KIF18A: variants seen among roughly 807,000 people sequenced by gnomAD.
KIF18A encodes kinesin family member 18A, also known as kinesin-like protein KIF18A.
In KIF18A, 67 loss-of-function variants were observed where a neutral mutation model predicts 103.3. The observed-to-expected ratio is 0.65, with a 90% CI of 0.53 to 0.79. The LOEUF is 0.79. Ranked by LOEUF, KIF18A falls within the 30% of genes least tolerant of loss-of-function variation. The pLI, the probability that KIF18A is intolerant of heterozygous loss-of-function variation, is 0.00. For synonymous variants in KIF18A, 367 were observed against 355.5 expected (o/e 1.03, Z -0.36); for missense variants, 1,032 against 1,062.5 (o/e 0.97, Z 0.40).
At chr11:28,107,362 G>A (rs551856885) in intron 1 of KIF18A, among the ~76,000 whole-genome samples, 1 of 150,734 alleles carries the variant, frequency 6.6e-6, no homozygotes, top group Non-Finnish European at 1.5e-5. Flanking sequence ...GTAACTGAGT[G>A]ACTAATGAGC....
Position 28,036,456 on chromosome 11 carries a change from T to C in KIF18A, c.2157A>G (p.Thr719=), listed in dbSNP as rs372826404. The change falls in exon 14 of 17, where the codon ACA becomes ACG. Residue 719 remains threonine, a synonymous_variant. Coordinates refer to ENST00000263181, the MANE Select transcript of KIF18A (RefSeq NM_031217.4). Reference sequence around the variant, plus strand: ...ATGATGATGGTTTCATTAAGGTTACTGTAGACGGATTTTGAAAAGCTTTTC... The same window carrying C: ...ATGATGATGGTTTCATTAAGGTTACCGTAGACGGATTTTGAAAAGCTTTTC... ...DCRKAFQNPS[T]VTLMKPSSFT... is the part of the protein sequence containing the mutation. The C allele has an allele frequency of 8.1e-6, 13 of 1,611,092 alleles. No homozygotes were observed. Among genetic ancestry groups the C allele is most frequent in the African/African-American group, 8.0e-5 (6 of 74,716 alleles).
chr11:28,046,518 G>T (rs1163756541), intron 13 of KIF18A, among the ~76,000 whole-genome samples: 6 of 135,394 alleles, frequency 4.4e-5, no homozygotes, highest in Non-Finnish European at 7.9e-5. Flanking sequence ...GACACAGGAA[G>T]GGGAACATCA....
At chr11:28,046,093 G>C (rs1371661936) in intron 13 of KIF18A, among the ~76,000 whole-genome samples, 2 of 151,314 alleles carry the variant, frequency 1.3e-5, no homozygotes, top group Non-Finnish European at 2.9e-5. Context: ...TACACTGTTG[G>C]TGGGACTGTC....
intron 13 of KIF18A, among the ~76,000 whole-genome samples, chr11:28,041,532 T>C (rs538042139): frequency 9.9e-5 from 15 of 151,938 alleles, no homozygotes; most frequent in African/African-American, 2.2e-4. Context: ...GGGCAACTTA[T>C]GTTAGGATTT....
In KIF18A at chr11:28,036,522, G is replaced by C; in HGVS notation, c.2091C>G (p.Ser697Arg). Reference sequence around the variant, plus strand: ...TATATACAATAGGCTGAAGTTCTTTGCTAAGAGAATCATTGAGCTGCACAC... The same window carrying C: ...TATATACAATAGGCTGAAGTTCTTTCCTAAGAGAATCATTGAGCTGCACAC... ...SQSVQLNDSL[S>R]KELQPIVYTP... The change falls in exon 14 of 17, where the codon AGC becomes AGG. Residue 697 changes from serine (S) to arginine (R), a missense_variant. Transcript: ENST00000263181. 6.2e-7 allele frequency: 1 copy of C among 1,611,256 alleles called. No individual in the cohort carries two copies. The highest frequency in any genetic ancestry group is 8.5e-7 in the Non-Finnish European group (1 of 1,178,270).
chr11:28,049,753 T>C (rs1565075932), intron 13 of KIF18A, among the ~76,000 whole-genome samples: 1 of 152,004 alleles, frequency 6.6e-6, no homozygotes, highest in South Asian at 2.1e-4. Context: ...TAAAAACTTC[T>C]AGGCTACAAA....
rs757015125 is a variant in KIF18A at position 28,058,999 on chromosome 11, C to A, written c.1875G>T (p.Lys625Asn). 14 of 1,613,914 alleles carry A rather than the reference C, an allele frequency of 8.7e-6. No individual in the cohort carries two copies. The highest frequency in any genetic ancestry group is 1.1e-5 in the Non-Finnish European group (13 of 1,179,976). ...CAGAAATCCCTGGTAGATCGTTTTG[C>A]TTTGGTTGTTCGGCAGTTTGGTCAG... ...VWADQTAEQP[K>N]QNDLPGISVL... is the part of the protein sequence containing the mutation. The change falls in exon 13 of 17, where the codon AAG (lysine) becomes AAT (asparagine). Residue 625 changes from lysine to asparagine, a missense_variant. Physicochemically the swap from Lys to Asn is moderately conservative, Grantham distance 94. Transcript: ENST00000263181.
chr11:28,089,572 T>C (rs749757464), intron 5 of KIF18A, among the ~76,000 whole-genome samples: 3 of 152,212 alleles, frequency 2.0e-5, no homozygotes, highest in Non-Finnish European at 4.4e-5. Context: ...CACGACATTA[T>C]GATGAGTATG....
intron 13 of KIF18A, among the ~76,000 whole-genome samples, chr11:28,040,618 G>C (rs528017969): frequency 6.6e-6 from 1 of 151,688 alleles, no homozygotes; most frequent in East Asian, 1.9e-4. Context: ...TACACAGAAG[G>C]GAACAGGAAA....
At chr11:28,024,191 TA>T (rs60587483) in intron 15 of KIF18A, among the ~76,000 whole-genome samples, 156 of 111,038 alleles carry the variant, frequency 1.4e-3, no homozygotes, top group East Asian at 1.5e-3. Flanking sequence ...CACAAGAGGT[TA>T]AAAAAAAAAA....
intron 1 of KIF18A, among the ~76,000 whole-genome samples, chr11:28,101,545 C>A (rs1187689746): frequency 6.6e-6 from 1 of 152,072 alleles, no homozygotes; most frequent in Non-Finnish European, 1.5e-5. Flanking sequence ...AGTTACTTAA[C>A]CTCCTTGTGG....
chr11:28,091,331 G>T, intron 4 of KIF18A, 78 bp downstream of exon 4: 1 of 674,738 alleles, frequency 1.5e-6, no homozygotes, highest in Non-Finnish European at 2.5e-6. Context: ...AGGATGGAAA[G>T]TAAGTGCATG....
At chr11:28,060,040 C>T (rs1470045705) in intron 12 of KIF18A, among the ~76,000 whole-genome samples, 1 of 152,054 alleles carries the variant, frequency 6.6e-6, no homozygotes, top group Non-Finnish European at 1.5e-5. Context: ...ATCGTTAGGG[C>T]ACTGGATTCA....
Position 28,036,406 on chromosome 11 carries a change from C to G in KIF18A, c.2207G>C (p.Ser736Thr), listed in dbSNP as rs776356480. ...ACAATTATCACTGTTTATGTTTGAG[C>G]TGATAGCCTGAAAACTTGTAGTAAA... Reference protein sequence around the residue: ...SSFTTSFQAISSNINSDNCLK... With the variant: ...SSFTTSFQAITSNINSDNCLK... Residue 736 changes from serine to threonine, a missense_variant, in exon 14 of 17, where the codon AGC (serine) becomes ACC (threonine). Ser to Thr is a moderately conservative substitution (Grantham distance 58). Transcript: ENST00000263181. The G allele has an allele frequency of 4.3e-6, 7 of 1,610,970 alleles. No homozygotes were observed. In the African/African-American group the frequency reaches 8.0e-5, roughly 18 times the overall value.
At chr11:28,054,587 C>G (rs984714710) in intron 13 of KIF18A, among the ~76,000 whole-genome samples, 1 of 152,136 alleles carries the variant, frequency 6.6e-6, no homozygotes, top group Non-Finnish European at 1.5e-5. Context: ...TTTTAAAGGT[C>G]CCTAAGGCAC....
chr11:28,070,866 C>T (rs1191061714), intron 10 of KIF18A, among the ~76,000 whole-genome samples: 2 of 152,164 alleles, frequency 1.3e-5, no homozygotes, highest in Non-Finnish European at 2.9e-5. Flanking sequence ...CATAGAGAGA[C>T]CGTGTCTCCA....
intron 16 of KIF18A, among the ~76,000 whole-genome samples, chr11:28,022,817 A>G (rs912474489): frequency 1.3e-5 from 2 of 152,198 alleles, no homozygotes; most frequent in Non-Finnish European, 2.9e-5. Flanking sequence ...ACTGGCTACT[A>G]CAGGAAGCAG....
At chr11:28,073,973 T>G (rs1483462694) in intron 10 of KIF18A, among the ~76,000 whole-genome samples, 1 of 151,978 alleles carries the variant, frequency 6.6e-6, no homozygotes. Flanking sequence ...AATTGACACT[T>G]ATATAATCTA....
intron 15 of KIF18A, among the ~76,000 whole-genome samples, chr11:28,030,995 C>G (rs1300217357): frequency 3.3e-5 from 5 of 151,202 alleles, no homozygotes; most frequent in African/African-American, 9.7e-5. Context: ...CCATCTCACA[C>G]CAGTTAGAAT....
Sources: allele counts gnomAD v4.1 joint callset (sites outside exome capture counted in the v4.1 genomes callset), GRCh38; gene constraint gnomAD v4.1.1; transcripts MANE v1.5; gene names NCBI Gene and HGNC (gene_info 2026-07-23, HGNC 2026-07-21).